KAZN: variants seen among roughly 807,000 people sequenced by gnomAD.
KAZN encodes the protein kazrin.
In KAZN, 40 loss-of-function variants were observed where a neutral mutation model predicts 87.4. The observed-to-expected ratio is 0.46, with a 90% CI of 0.36 to 0.60. The LOEUF is 0.60. KAZN is among the 20% of genes least tolerant of loss of function. The pLI is 0.00. For missense variants in KAZN, 898 were observed against 1,073.9 expected (o/e 0.84, Z 2.29); for synonymous variants, 466 against 458.3 (o/e 1.02, Z -0.22).
intron 2 of KAZN, among the ~76,000 whole-genome samples, chr1:14,503,294 T>C (rs1047491107): frequency 1.6e-3 from 104 of 65,700 alleles, no homozygotes; most frequent in African/African-American, 5.9e-3. Flanking sequence ...GCATCCTGGC[T>C]AACAACGGTG....
chr1:14,269,323 T>TAAA (rs35936892), intron 2 of KAZN, among the ~76,000 whole-genome samples: 23 of 151,398 alleles, frequency 1.5e-4, no homozygotes, highest in Non-Finnish European at 2.2e-4. Flanking sequence ...TTGATAATGA[T>TAAA]AAAAAAAAAG....
At chr1:14,364,340 T>C (rs1185653723) in intron 2 of KAZN, among the ~76,000 whole-genome samples, 1 of 152,082 alleles carries the variant, frequency 6.6e-6, no homozygotes, top group Non-Finnish European at 1.5e-5. Context: ...CACTGCAAAA[T>C]GGGGGTAATT....
At chr1:14,654,830 C>T (rs572926388) in intron 1 of KAZN, among the ~76,000 whole-genome samples, 3 of 152,222 alleles carry the variant, frequency 2.0e-5, no homozygotes, top group Non-Finnish European at 4.4e-5. Flanking sequence ...CCCCTCCTCT[C>T]CAGGGATGCC....
At chr1:14,416,208 C>A (rs1186879938) in intron 2 of KAZN, among the ~76,000 whole-genome samples, 1 of 152,106 alleles carries the variant, frequency 6.6e-6, no homozygotes, top group Non-Finnish European at 1.5e-5. Context: ...AGCTAAGCAC[C>A]CCCTGATTAT....
At position 14,714,544 on chromosome 1, in the gene KAZN, C is replaced by T. The variant is rs1358548209; in HGVS notation, c.226+115321C>T. 2.6e-5 allele frequency among the ~76,000 whole-genome samples: 4 copies of T among 152,088 alleles called. 1 individual carries two copies. Among genetic ancestry groups the T allele is most frequent in the African/African-American group, 9.7e-5 (4 of 41,424 alleles). ...GGGTTGGGAATGTTTGTGGAGAGAG[C>T]AGACACCTGCTCTGCTAATGCGTTG... On this transcript the variant is annotated intron_variant, in intron 1 of 14. Coordinates refer to ENST00000376030, the MANE Select transcript of KAZN (RefSeq NM_201628.3).
At chr1:14,924,400 C>T (rs907506496) in intron 1 of KAZN, 121 of 989,058 alleles carry the variant, frequency 1.2e-4, no homozygotes, top group Middle Eastern at 5.2e-4. Flanking sequence ...GGGAGCGCGT[C>T]CGCCAGCTCG....
chr1:14,817,818 T>C (rs1215765552), intron 1 of KAZN, among the ~76,000 whole-genome samples: 1 of 151,882 alleles, frequency 6.6e-6, no homozygotes. Context: ...ACTGTGTATA[T>C]AGGAGAATTT....
chr1:14,540,320 T>C (rs1011345708), intron 2 of KAZN, among the ~76,000 whole-genome samples: 2 of 152,108 alleles, frequency 1.3e-5, no homozygotes, highest in Non-Finnish European at 2.9e-5. Flanking sequence ...AGCCCCTTCC[T>C]CTCTTAGGTG....
rs971870322 is a variant in KAZN, at chr1:14,924,027, G to T, written c.227-36657G>T. On this transcript the variant is annotated intron_variant, in intron 1 of 14. Transcript: ENST00000376030. Reference sequence around the variant, plus strand: ...CGCGGCGGCGCTCCCCGGGCACTGGGGCCAGTCTGGGCGCCGCGGCGGGGC... The same window carrying T: ...CGCGGCGGCGCTCCCCGGGCACTGGTGCCAGTCTGGGCGCCGCGGCGGGGC... 17 of 802,734 alleles carry T rather than the reference G, an allele frequency of 2.1e-5. 1 individual carries two copies. The highest frequency in any genetic ancestry group is 6.2e-4 in the Middle Eastern group (1 of 1,602). The allele number at this position is 802,734 out of a possible 1,614,324, so 49.7% of individuals were successfully genotyped here.
intron 1 of KAZN, among the ~76,000 whole-genome samples, chr1:14,724,251 T>C (rs879930551): frequency 5.9e-5 from 9 of 152,112 alleles, no homozygotes; most frequent in Admixed American, 2.0e-4. Flanking sequence ...AAAAAAAAAG[T>C]GAATTCTTTG....
At chr1:14,862,883 A>C (rs12094035) in intron 1 of KAZN, among the ~76,000 whole-genome samples, 2,196 of 152,298 alleles carry the variant, frequency 0.014, 69 homozygotes, top group African/African-American at 0.05. Flanking sequence ...TTGCCCCTGC[A>C]TATGGTGTCT....
intron 1 of KAZN, among the ~76,000 whole-genome samples, chr1:14,093,001 T>C (rs1258299517): frequency 1.3e-5 from 2 of 152,214 alleles, no homozygotes; most frequent in African/African-American, 4.8e-5. Context: ...CCTTCCCCTG[T>C]GGTGCCTTTT....
At chr1:14,271,343 C>T (rs181861250) in intron 2 of KAZN, among the ~76,000 whole-genome samples, 7 of 152,288 alleles carry the variant, frequency 4.6e-5, no homozygotes, top group East Asian at 3.9e-4. Context: ...GAACCCTCAG[C>T]GCATATCAGT....
chr1:14,437,346 A>G (rs1666452915), intron 2 of KAZN, among the ~76,000 whole-genome samples: 1 of 152,198 alleles, frequency 6.6e-6, no homozygotes, highest in Admixed American at 6.5e-5. Context: ...AACACAGTCG[A>G]TGAAACGCGC....
At chr1:14,917,960 C>T (rs996260406) in intron 1 of KAZN, among the ~76,000 whole-genome samples, 3 of 152,042 alleles carry the variant, frequency 2.0e-5, no homozygotes, top group African/African-American at 7.2e-5. Flanking sequence ...CTCACCGCAA[C>T]CTCTGCCTCC....
At chr1:13,980,462 C>A (rs1638605764) in intron 1 of KAZN, among the ~76,000 whole-genome samples, 1 of 151,606 alleles carries the variant, frequency 6.6e-6, no homozygotes, top group African/African-American at 2.4e-5. Context: ...AAATACTAAC[C>A]AACAGAAAAT....
chr1:15,046,495 C>T (rs1489102830), intron 4 of KAZN, among the ~76,000 whole-genome samples: 1 of 152,086 alleles, frequency 6.6e-6, no homozygotes, highest in African/African-American at 2.4e-5. Context: ...GACCCACGCA[C>T]CCATGCCGTC....
At chr1:14,744,258 A>G (rs1025001233) in intron 1 of KAZN, among the ~76,000 whole-genome samples, 3 of 152,174 alleles carry the variant, frequency 2.0e-5, no homozygotes, top group African/African-American at 7.2e-5. Flanking sequence ...TATCTTACTC[A>G]GTATTATCTT....
chr1:14,448,548 G>C (rs1427484453), intron 2 of KAZN, among the ~76,000 whole-genome samples: 1 of 152,162 alleles, frequency 6.6e-6, no homozygotes, highest in Non-Finnish European at 1.5e-5. Flanking sequence ...CCAAGGCAAG[G>C]GCTCTGGATG....
Sources: allele counts gnomAD v4.1 joint callset (sites outside exome capture counted in the v4.1 genomes callset), GRCh38; gene constraint gnomAD v4.1.1; transcripts MANE v1.5; gene names NCBI Gene and HGNC (gene_info 2026-07-23, HGNC 2026-07-21).